KARS1: variants seen among roughly 807,000 people sequenced by gnomAD.
KARS1 encodes lysyl-tRNA synthetase 1.
A neutral mutation model predicts 63.9 loss-of-function variants in KARS1; 50 were observed. The observed-to-expected ratio is 0.78, with a 90% CI of 0.62 to 0.99. KARS1 has a LOEUF of 0.99. Ranked by LOEUF, KARS1 falls within the 50% of genes least tolerant of loss-of-function variation. The pLI, the probability that KARS1 is intolerant of heterozygous loss-of-function variation, is 0.00. For missense variants in KARS1, 816 were observed against 754.5 expected, an observed-to-expected ratio of 1.08 and a Z score of -0.95; for synonymous variants, 320 against 264.6, an observed-to-expected ratio of 1.21 and a Z score of -2.03.
At chr16:75,638,885 C>G (rs1019683428) in intron 3 of KARS1, among the ~76,000 whole-genome samples, 1 of 152,154 alleles carries the variant, frequency 6.6e-6, no homozygotes. Context: ...TAAAAAAGAT[C>G]TGCTGGGAGC....
At chr16:75,646,122 T>C (rs1215028083) in intron 1 of KARS1, among the ~76,000 whole-genome samples, 2 of 152,234 alleles carry the variant, frequency 1.3e-5, no homozygotes, top group East Asian at 3.8e-4. Context: ...CAAACTTTTA[T>C]GGAAGTCCAT....
rs1263745394 is a variant in KARS1, at chr16:75,641,582, T to C, written c.204A>G (p.Glu68=). ...AACTCACATTTGGGTCCACGCTCTC[T>C]TCCTCAGGACCCACACCATTATCAG... ...HTTDNGVGPE[E]ESVDPNQYYK... is the part of the protein sequence containing the mutation. Residue 68 remains glutamate (E), a synonymous_variant, in exon 2 of 14, where the codon GAA becomes GAG. Transcript: ENST00000302445. 6.2e-7 allele frequency: 1 copy of C among 1,613,706 alleles called. No individual in the cohort carries two copies. The highest frequency in any genetic ancestry group is 1.3e-5 in the African/African-American group (1 of 74,910).
intron 4 of KARS1, 41 bp from the exon 5 acceptor site, chr16:75,636,139 A>G (rs1400359285): frequency 8.1e-7 from 1 of 1,228,276 alleles, no homozygotes; most frequent in Admixed American, 1.8e-5. Flanking sequence ...AACAATTCAA[A>G]TGAACACTGA....
chr16:75,647,531 C>T lies in KARS1; in HGVS notation c.62+47G>A, dbSNP rs2082302718. 6 of 1,579,080 alleles carry T rather than the reference C, an allele frequency of 3.8e-6. No individual in the cohort carries two copies. In the East Asian group the frequency reaches 1.4e-4, roughly 36 times the overall value. On this transcript the variant is annotated intron_variant, in intron 1 of 13. Coordinates refer to ENST00000302445, the MANE Select transcript of KARS1 (RefSeq NM_005548.3). ...GGGAACCTCGCGGCGCTTCCCAGCC[C>T]AGACTCTCCTACCGCAAAGGCTTTA...
chr16:75,632,049 G>C (rs1334990339), intron 7 of KARS1, among the ~76,000 whole-genome samples, 194 bp from the exon 8 acceptor site: 2 of 152,092 alleles, frequency 1.3e-5, no homozygotes, highest in Non-Finnish European at 2.9e-5. Flanking sequence ...CACCACGCCT[G>C]GCTAATTTTT....
intron 11 of KARS1, among the ~76,000 whole-genome samples, chr16:75,629,816 T>C (rs1420269624): frequency 6.6e-6 from 1 of 152,242 alleles, no homozygotes; most frequent in Non-Finnish European, 1.5e-5. Context: ...CAGGTTGGTC[T>C]AACGATCAAA....
At chr16:75,638,638 C>G (rs958194061) in intron 3 of KARS1, among the ~76,000 whole-genome samples, 1 of 152,046 alleles carries the variant, frequency 6.6e-6, no homozygotes, top group African/African-American at 2.4e-5. Context: ...AAAAATCTTT[C>G]AGAAAATGCA....
intron 11 of KARS1, 67 bp from the exon 12 acceptor site, chr16:75,629,608 C>CT (rs528716918): frequency 6.6e-4 from 1,034 of 1,557,068 alleles, no homozygotes; most frequent in African/African-American, 1.6e-3. Context: ...TTTGTTTTTT[C>CT]TTTTTTTTTG....
chr16:75,644,537 T>A (rs1219881759), intron 1 of KARS1: 2 of 1,107,552 alleles, frequency 1.8e-6, no homozygotes, highest in Admixed American at 2.9e-5. Flanking sequence ...CTCTTATGGG[T>A]TGGGGAGGGG....
At chr16:75,646,833 G>A (rs1597181009) in intron 1 of KARS1, among the ~76,000 whole-genome samples, 2 of 152,008 alleles carry the variant, frequency 1.3e-5, no homozygotes, top group East Asian at 3.9e-4. Context: ...CCTCTGGAAT[G>A]GTACTATGTA....
chr16:75,630,422 C>G lies in KARS1; in HGVS notation c.1424+1G>C, dbSNP rs1178435531. ...GCAGCAATAGGTAACTGGAATCTTA[C>G]CATTTAGCCAAAGGGCTCATTATCT... On this transcript the variant is annotated splice_donor_variant, in intron 11 of 13. Coordinates refer to ENST00000302445, the MANE Select transcript of KARS1 (RefSeq NM_005548.3). LOFTEE classifies it high-confidence loss of function. 6.3e-7 allele frequency: 1 copy of G among 1,579,946 alleles called. No homozygotes were observed. Among genetic ancestry groups the G allele is most frequent in the African/African-American group, 1.3e-5 (1 of 74,228 alleles).
In KARS1 at chr16:75,641,806, T is replaced by C. The variant is rs371056065; in HGVS notation, c.63-83A>G. 28 of 1,439,938 alleles carry C rather than the reference T, an allele frequency of 1.9e-5. No homozygotes were observed. The African/African-American group carries it at 3.1e-4, about 16-fold the overall frequency. The allele number at this position is 1,439,938 out of a possible 1,614,324, so 89.2% of individuals were successfully genotyped here. ...TGCCCCTAGCAACTTATCAAAAACA[T>C]GAATCGCCCAGGAGAAACGCTCTTG... is the stretch of plus-strand genomic sequence containing the variant. On this transcript the variant is annotated intron_variant, in intron 1 of 13. Transcript: ENST00000302445.
intron 3 of KARS1, among the ~76,000 whole-genome samples, chr16:75,637,503 C>G (rs1442253995): frequency 6.6e-6 from 1 of 151,982 alleles, no homozygotes; most frequent in African/African-American, 2.4e-5. Flanking sequence ...AGGCCAGGTG[C>G]TGTGGCTCAC....
chr16:75,631,068 T>G (rs2082106671), intron 10 of KARS1, 100 bp downstream of exon 10: 1 of 867,908 alleles, frequency 1.2e-6, no homozygotes, highest in Non-Finnish European at 1.9e-6. Flanking sequence ...CCTGTGAAGC[T>G]GCAGAAATGA....
chr16:75,641,468 A>T, intron 2 of KARS1, 96 bp downstream of exon 2: 2 of 1,049,362 alleles, frequency 1.9e-6, no homozygotes, highest in Admixed American at 2.0e-5. Flanking sequence ...CCTCAGGCGT[A>T]CTGGTCCCTC....
At chr16:75,639,598 TAGTAAAATCACTGCACTTTAA>T (rs2082200926) in intron 3 of KARS1, among the ~76,000 whole-genome samples, 2 of 150,120 alleles carry the variant, frequency 1.3e-5, no homozygotes, top group Non-Finnish European at 2.9e-5. Flanking sequence ...AAAAAGATTT[TAGTAAAATCACTGCACTTTAA>T]AGAAGAAATC....
chr16:75,643,281 T>A (rs1245103402), intron 1 of KARS1, among the ~76,000 whole-genome samples: 1 of 152,190 alleles, frequency 6.6e-6, no homozygotes, highest in African/African-American at 2.4e-5. Flanking sequence ...AGATCCCAAG[T>A]CATGCCCGCA....
intron 7 of KARS1, among the ~76,000 whole-genome samples, chr16:75,633,340 C>T (rs549063286): frequency 6.6e-6 from 1 of 152,100 alleles, no homozygotes; most frequent in Non-Finnish European, 1.5e-5. Context: ...GGCAGACCCC[C>T]GCAGCTAATG....
intron 7 of KARS1, among the ~76,000 whole-genome samples, chr16:75,633,658 C>A (rs898948574): frequency 1.3e-5 from 2 of 152,062 alleles, no homozygotes; most frequent in Admixed American, 1.3e-4. Flanking sequence ...GCTGGGATTA[C>A]AGGCACATGC....
Sources: allele counts gnomAD v4.1 joint callset (sites outside exome capture counted in the v4.1 genomes callset), GRCh38; gene constraint gnomAD v4.1.1; transcripts MANE v1.5; gene names NCBI Gene and HGNC (gene_info 2026-07-23, HGNC 2026-07-21).